Variants in RIC1 observed in about 807,000 individuals in gnomAD.
The protein encoded by RIC1 is guanine nucleotide exchange factor subunit RIC1.
RIC1 carries 88 observed loss-of-function variants against 169.0 expected under a neutral mutation model. That is an observed-to-expected ratio of 0.52 (90% CI 0.44 to 0.62). The LOEUF (loss-of-function observed/expected upper bound fraction) is 0.62. Among genes scored for constraint, RIC1 ranks in the 20% least tolerant of loss-of-function variants. The probability of loss-of-function intolerance (pLI) is 0.00; values close to 1 mark genes in which losing one functional copy is unlikely to be tolerated. For missense variants in RIC1, 1,877 were observed against 1,725.5 expected (o/e 1.09, Z -1.56); for synonymous variants, 790 against 601.5 (o/e 1.31, Z -4.59).
At chr9:5,721,457 C>CA (rs1461982607) in intron 6 of RIC1, among the ~76,000 whole-genome samples, 4 of 152,218 alleles carry the variant, frequency 2.6e-5, no homozygotes, top group Non-Finnish European at 5.9e-5. Flanking sequence ...CGCGTGCACA[C>CA]ACACACGCTG....
chr9:5,675,997 C>G (rs1471913655), intron 2 of RIC1, among the ~76,000 whole-genome samples: 1 of 152,184 alleles, frequency 6.6e-6, no homozygotes, highest in East Asian at 1.9e-4. Context: ...CCCAACTGCC[C>G]TTGGTCATTC....
intron 19 of RIC1, 38 bp from the exon 20 acceptor site, chr9:5,765,376 T>C (rs375314951): frequency 7.0e-6 from 11 of 1,581,064 alleles, no homozygotes; most frequent in Admixed American, 5.6e-5. Context: ...CCAAATTGTG[T>C]AGTATAAAAA....
chr9:5,764,288 A>G (rs191457777), intron 19 of RIC1, among the ~76,000 whole-genome samples: 53 of 152,300 alleles, frequency 3.5e-4, no homozygotes, highest in Non-Finnish European at 1.8e-4. Context: ...GTTTCCTTTC[A>G]GTGTGGGTTA....
intron 23 of RIC1, among the ~76,000 whole-genome samples, chr9:5,770,522 T>A (rs955208046): frequency 7.9e-5 from 12 of 152,302 alleles, no homozygotes; most frequent in African/African-American, 2.6e-4. Context: ...TCTTTGTAAA[T>A]CAATTTTGAT....
intron 24 of RIC1, 53 bp downstream of exon 24, chr9:5,772,794 C>A: frequency 3.2e-6 from 5 of 1,560,968 alleles, no homozygotes; most frequent in Non-Finnish European, 4.4e-6. Context: ...AGTATTTGGG[C>A]AAATAGGTAT....
intron 22 of RIC1, 153 bp downstream of exon 22, chr9:5,769,409 CACT>C (rs1179306594): frequency 6.4e-7 from 1 of 1,561,552 alleles, no homozygotes; most frequent in African/African-American, 1.4e-5. Context: ...TTGGAATGCC[CACT>C]GTTTGACCAA....
rs1827454625 is a variant in RIC1 at position 5,774,293 on chromosome 9, G to A, written c.*47G>A. 2 of 1,523,242 alleles carry A rather than the reference G, an allele frequency of 1.3e-6. No homozygotes were observed. Among genetic ancestry groups the A allele is most frequent in the African/African-American group, 2.7e-5 (2 of 72,980 alleles). 94.4% of individuals were successfully genotyped at this position (1,523,242 alleles called of 1,614,324 possible). A position where few individuals can be genotyped will look rare whatever the true frequency, so the allele number is the denominator to read the frequency against. ...GGGCAGTATTAATTAGCAGCAGCGT[G>A]CAGCTCAGTACGTTGTAACATAGTT... is the stretch of plus-strand genomic sequence containing the variant. On this transcript the variant is annotated 3_prime_UTR_variant, in exon 26 of 26. Transcript: ENST00000414202.
intron 3 of RIC1, among the ~76,000 whole-genome samples, chr9:5,708,321 A>T (rs935564823): frequency 6.6e-6 from 1 of 152,138 alleles, no homozygotes; most frequent in African/African-American, 2.4e-5. Flanking sequence ...AGATTTCTGA[A>T]CCAAAAATAC....
At chr9:5,720,396 A>G (rs1473821359) in intron 5 of RIC1, 72 bp downstream of exon 5, 8 of 1,436,252 alleles carry the variant, frequency 5.6e-6, no homozygotes, top group East Asian at 2.3e-5. Flanking sequence ...TCTTCTATGG[A>G]TGAACACTTC....
chr9:5,631,235 C>A (rs1817700553), intron 1 of RIC1, among the ~76,000 whole-genome samples: 2 of 152,206 alleles, frequency 1.3e-5, no homozygotes, highest in African/African-American at 4.8e-5. Flanking sequence ...TCATACTCTT[C>A]TTTCAAATTC....
intron 1 of RIC1, among the ~76,000 whole-genome samples, chr9:5,637,727 C>T (rs1001471177): frequency 3.9e-5 from 6 of 152,198 alleles, no homozygotes; most frequent in Non-Finnish European, 8.8e-5. Flanking sequence ...TCTCTCTATG[C>T]CTTGCTTATT....
chr9:5,650,908 A>C (rs1356530681), intron 1 of RIC1, among the ~76,000 whole-genome samples: 1 of 152,152 alleles, frequency 6.6e-6, no homozygotes, highest in African/African-American at 2.4e-5. Context: ...AGGTGGATGC[A>C]GGGAATGTTA....
At chr9:5,730,565 A>C (rs1371415332) in intron 6 of RIC1, among the ~76,000 whole-genome samples, 1 of 152,052 alleles carries the variant, frequency 6.6e-6, no homozygotes, top group Non-Finnish European at 1.5e-5. Flanking sequence ...TAATGATTTA[A>C]AAGAAAGAAG....
At chr9:5,689,186 T>C (rs4742116) in intron 2 of RIC1, among the ~76,000 whole-genome samples, 4,015 of 151,182 alleles carry the variant, frequency 0.027, 87 homozygotes, top group Admixed American at 0.036. Flanking sequence ...GTAGCTGGGA[T>C]TACAGGCGCC....
intron 8 of RIC1, among the ~76,000 whole-genome samples, chr9:5,741,544 T>C (rs1563941911): frequency 6.6e-6 from 1 of 152,186 alleles, no homozygotes; most frequent in Non-Finnish European, 1.5e-5. Flanking sequence ...CCATCTAGGT[T>C]TGCTGATCCT....
chr9:5,745,805 C>G, intron 10 of RIC1, 126 bp from the exon 11 acceptor site: 1 of 784,312 alleles, frequency 1.3e-6, no homozygotes, highest in South Asian at 2.0e-5. Flanking sequence ...CACGGTTTCT[C>G]CAACCTTCAC....
chr9:5,757,498 T>C (rs1826079115), intron 17 of RIC1, 47 bp downstream of exon 17: 1 of 1,601,960 alleles, frequency 6.2e-7, no homozygotes, highest in African/African-American at 1.3e-5. Context: ...TTTCTGTTTT[T>C]AGTATTTGAG....
intron 6 of RIC1, among the ~76,000 whole-genome samples, chr9:5,724,574 T>C (rs1823832013): frequency 6.6e-6 from 1 of 152,224 alleles, no homozygotes; most frequent in Admixed American, 6.5e-5. Flanking sequence ...CTGATTGCTC[T>C]GGCCAGAACT....
intron 2 of RIC1, among the ~76,000 whole-genome samples, chr9:5,657,378 A>T (rs749743822): frequency 6.6e-6 from 1 of 152,108 alleles, no homozygotes; most frequent in Non-Finnish European, 1.5e-5. Flanking sequence ...GCAGTAATAT[A>T]TGTGGTTAAT....
Sources: allele counts gnomAD v4.1 joint callset (sites outside exome capture counted in the v4.1 genomes callset), GRCh38; gene constraint gnomAD v4.1.1; transcripts MANE v1.5; gene names NCBI Gene and HGNC (gene_info 2026-07-23, HGNC 2026-07-21).